Variants in DUSP11 observed in about 807,000 individuals in gnomAD.
DUSP11 encodes dual specificity phosphatase 11.
A neutral mutation model predicts 41.4 loss-of-function variants in DUSP11; 27 were observed. That is an observed-to-expected ratio of 0.65 (90% CI 0.48 to 0.90). The LOEUF is 0.90. Ranked by LOEUF, DUSP11 falls within the 40% of genes least tolerant of loss-of-function variation. DUSP11 has a pLI of 0.00. For missense variants in DUSP11, 465 were observed against 461.1 expected (o/e 1.01, Z -0.08); for synonymous variants, 188 against 159.3 (o/e 1.18, Z -1.35).
chr2:73,773,695 A>G (rs966954473), intron 4 of DUSP11, 105 bp downstream of exon 4: 8 of 1,162,842 alleles, frequency 6.9e-6, no homozygotes, highest in Non-Finnish European at 9.7e-6. Flanking sequence ...TCACCTTAGC[A>G]TCATTAAATA....
At chr2:73,777,196 C>G (rs1672705027) in intron 2 of DUSP11, among the ~76,000 whole-genome samples, 1 of 152,170 alleles carries the variant, frequency 6.6e-6, no homozygotes, top group Non-Finnish European at 1.5e-5. Context: ...CCAGGCTGGT[C>G]TAAAACTCCT....
chr2:73,769,869 T>C (rs1300235829), intron 4 of DUSP11, among the ~76,000 whole-genome samples: 2 of 152,188 alleles, frequency 1.3e-5, no homozygotes, highest in Non-Finnish European at 2.9e-5. Context: ...GGCTTGGAGA[T>C]GTAAGTCAAA....
At chr2:73,766,716 T>A in intron 7 of DUSP11, 112 bp downstream of exon 7, 1 of 1,360,760 alleles carries the variant, frequency 7.3e-7, no homozygotes, top group Non-Finnish European at 1.0e-6. Flanking sequence ...TTTGTTTACA[T>A]CTCCCCCCAA....
At chr2:73,778,405 T>A (rs1158492328) in intron 1 of DUSP11, 29 bp from the exon 2 acceptor site, 1 of 1,400,908 alleles carries the variant, frequency 7.1e-7, no homozygotes, top group South Asian at 1.4e-5. Flanking sequence ...GTTAGCCAAA[T>A]TGTATGTTAG....
At chr2:73,778,787 G>A (rs926358135) in intron 1 of DUSP11, among the ~76,000 whole-genome samples, 1 of 152,096 alleles carries the variant, frequency 6.6e-6, no homozygotes, top group Non-Finnish European at 1.5e-5. Context: ...TCAATTAGTA[G>A]GAAACTTCAA....
intron 8 of DUSP11, 46 bp downstream of exon 8, chr2:73,766,372 T>C (rs768952657): frequency 1.3e-5 from 20 of 1,509,274 alleles, no homozygotes; most frequent in Non-Finnish European, 1.6e-5. Flanking sequence ...AACTATAGTA[T>C]TAATTTCTAT....
intron 5 of DUSP11, chr2:73,767,679 T>C (rs1672493218): frequency 1.3e-5 from 2 of 156,630 alleles, no homozygotes; most frequent in South Asian, 4.0e-4. Context: ...CAAACTCTCA[T>C]ATTCAATTCA....
chr2:73,778,652 CCT>C (rs1672730965), intron 1 of DUSP11, among the ~76,000 whole-genome samples: 1 of 152,142 alleles, frequency 6.6e-6, no homozygotes, highest in South Asian at 2.1e-4. Context: ...CTTCTGTATC[CCT>C]GTTAAACTTG....
intron 4 of DUSP11, 134 bp downstream of exon 4, chr2:73,773,666 G>A (rs1672626582): frequency 1.1e-6 from 1 of 880,556 alleles, no homozygotes; most frequent in Middle Eastern, 2.9e-4. Context: ...TACCCTATTA[G>A]CACCATCTGA....
intron 1 of DUSP11, among the ~76,000 whole-genome samples, chr2:73,778,783 A>G (rs1471257707): frequency 6.6e-6 from 1 of 152,214 alleles, no homozygotes; most frequent in Non-Finnish European, 1.5e-5. Context: ...AAGTTCAATT[A>G]GTAGGAAACT....
chr2:73,766,677 A>G, intron 7 of DUSP11, 83 bp from the exon 8 acceptor site: 1 of 1,460,122 alleles, frequency 6.8e-7, no homozygotes, highest in Non-Finnish European at 9.3e-7. Flanking sequence ...GCATATGAAA[A>G]TAACAATTTC....
At chr2:73,768,776 G>A in intron 5 of DUSP11, 1 of 456,682 alleles carries the variant, frequency 2.2e-6, no homozygotes, top group Non-Finnish European at 2.9e-6. Context: ...CTAACACGGT[G>A]AAACCACATC....
chr2:73,769,496 T>C lies in DUSP11; in HGVS notation c.575-171A>G, dbSNP rs145793113. Among the ~76,000 whole-genome samples, 445 of 152,332 alleles carry C rather than the reference T, an allele frequency of 2.9e-3. 3 individuals are homozygous for C. The highest frequency in any genetic ancestry group is 9.8e-3 in the African/African-American group (406 of 41,576). ...CTCACTGCTTCTGGGAAACTTTGCA[T>C]AGTCCCAATTAGACTCAGTGATGTA... On this transcript the variant is annotated intron_variant, in intron 4 of 8. Transcript: ENST00000272444.
intron 2 of DUSP11, among the ~76,000 whole-genome samples, chr2:73,775,533 C>G (rs1011750723): frequency 7.6e-6 from 1 of 131,450 alleles, no homozygotes; most frequent in Non-Finnish European, 1.7e-5. Context: ...CATGAACCAC[C>G]ACACCTGGCC....
chr2:73,767,407 C>T (rs1672486079), intron 5 of DUSP11, 200 bp from the exon 6 acceptor site: 2 of 466,274 alleles, frequency 4.3e-6, no homozygotes, highest in Admixed American at 7.7e-5. Flanking sequence ...GATGACCCAA[C>T]TCCAGAAAAT....
chr2:73,770,704 T>C (rs977953782), intron 4 of DUSP11, among the ~76,000 whole-genome samples: 2 of 152,180 alleles, frequency 1.3e-5, no homozygotes, highest in African/African-American at 4.8e-5. Flanking sequence ...AGCCCAAATT[T>C]AGCATGGCAT....
intron 4 of DUSP11, among the ~76,000 whole-genome samples, chr2:73,769,859 G>A (rs1453636417): frequency 2.6e-5 from 4 of 152,188 alleles, no homozygotes; most frequent in Admixed American, 6.5e-5. Context: ...GAAAAGGCAA[G>A]GCTTGGAGAT....
chr2:73,762,628 G>A (rs766735751), exon 9 of DUSP11: 1 of 1,550,782 alleles, frequency 6.4e-7, no homozygotes, highest in South Asian at 1.2e-5. Flanking sequence ...GGCCAGCTCT[G>A]GTCTCCAGGT....
intron 2 of DUSP11, among the ~76,000 whole-genome samples, chr2:73,776,398 A>G (rs1672686279): frequency 7.0e-6 from 1 of 143,366 alleles, no homozygotes; most frequent in Non-Finnish European, 1.5e-5. Flanking sequence ...CTGGGCGACA[A>G]GCGAGACACC....
Sources: allele counts gnomAD v4.1 joint callset (sites outside exome capture counted in the v4.1 genomes callset), GRCh38; gene constraint gnomAD v4.1.1; transcripts MANE v1.5; gene names NCBI Gene and HGNC (gene_info 2026-07-23, HGNC 2026-07-21).